The following MINPP1 variants were observed in gnomAD, a reference collection of about 807,000 sequenced individuals.
MINPP1 encodes multiple inositol polyphosphate phosphatase 1.
A neutral mutation model predicts 46.1 loss-of-function variants in MINPP1; 28 were observed. That is an observed-to-expected ratio of 0.61 (90% CI 0.45 to 0.83). The LOEUF is 0.83. MINPP1 is among the 40% of genes least tolerant of loss of function. The probability of loss-of-function intolerance (pLI) is 0.00; values close to 1 mark genes in which losing one functional copy is unlikely to be tolerated. For synonymous variants in MINPP1, 268 were observed against 249.1 expected, an observed-to-expected ratio of 1.08 and a Z score of -0.72; for missense variants, 603 against 610.0, an observed-to-expected ratio of 0.99 and a Z score of 0.12.
At chr10:87,548,953 A>G (rs1851926101) in intron 4 of MINPP1, among the ~76,000 whole-genome samples, 1 of 152,204 alleles carries the variant, frequency 6.6e-6, no homozygotes, top group Admixed American at 6.5e-5. Context: ...TCTAAAATAC[A>G]ATTTTAAAAC....
At chr10:87,526,490 T>C (rs1241081994) in intron 4 of MINPP1, among the ~76,000 whole-genome samples, 2 of 152,214 alleles carry the variant, frequency 1.3e-5, no homozygotes, top group Admixed American at 1.3e-4. Flanking sequence ...TCCCATTCTG[T>C]AGGTTGCCTG....
At chr10:87,513,249 CT>C (rs199792683) in intron 3 of MINPP1, 28 bp downstream of exon 3, 30 of 1,583,508 alleles carry the variant, frequency 1.9e-5, no homozygotes, top group East Asian at 2.2e-5. Flanking sequence ...AGTTTCTTTG[CT>C]TTTTTAAAAA....
chr10:87,526,201 C>T (rs1334404132), intron 4 of MINPP1, among the ~76,000 whole-genome samples: 1 of 152,152 alleles, frequency 6.6e-6, no homozygotes, highest in Non-Finnish European at 1.5e-5. Context: ...ACATCCTCTC[C>T]AGCACCTGTT....
Position 87,505,068 on chromosome 10 carries a change from T to C in MINPP1, c.153T>C (p.Thr51=), listed in dbSNP as rs1178647038. ...TCAGCCCCTATTTCGGCACCAAGAC[T>C]CGCTACGAGGATGTCAACCCCGTGC... ...SSLSPYFGTK[T]RYEDVNPVLL... The change falls in exon 1 of 5, where the codon ACT becomes ACC. Residue 51 remains threonine, a synonymous_variant. Coordinates refer to ENST00000371996, the MANE Select transcript of MINPP1 (RefSeq NM_004897.5). The surrounding 1 kb of genome is among the most constrained non-coding windows in gnomAD (Gnocchi z 4.4). 6.2e-7 allele frequency: 1 copy of C among 1,613,526 alleles called. No individual in the cohort carries two copies. Among genetic ancestry groups the C allele is most frequent in the Non-Finnish European group, 8.5e-7 (1 of 1,179,914 alleles).
At chr10:87,548,113 TA>T (rs1321409357) in intron 4 of MINPP1, among the ~76,000 whole-genome samples, 1 of 152,140 alleles carries the variant, frequency 6.6e-6, no homozygotes, top group Non-Finnish European at 1.5e-5. Flanking sequence ...ATTACTTTGC[TA>T]AGGCTACACA....
At position 87,505,648 on chromosome 10, in the gene MINPP1, C is replaced by G; in HGVS notation, c.637+96C>G. 8.8e-7 allele frequency: 1 copy of G among 1,141,220 alleles called. No homozygotes were observed. The highest frequency in any genetic ancestry group is 1.2e-6 in the Non-Finnish European group (1 of 805,902). 70.7% of individuals were successfully genotyped at this position (1,141,220 alleles called of 1,614,324 possible). ...AGACCCTGGGCTTTTCCGATGCCCC[C>G]CAGTTCTCTTTCCTCTTTTCCCAAG... On this transcript the variant is annotated intron_variant, in intron 1 of 4. Transcript: ENST00000371996. This position sits in a 1 kb window ranked among gnomAD's most constrained non-coding sequence, Gnocchi z 4.4.
At chr10:87,536,591 G>A (rs924111536) in intron 4 of MINPP1, among the ~76,000 whole-genome samples, 7 of 152,054 alleles carry the variant, frequency 4.6e-5, no homozygotes, top group Non-Finnish European at 2.9e-5. Context: ...AGGTAACACT[G>A]ATACACTTTC....
At chr10:87,532,818 GT>G (rs1851678219) in intron 4 of MINPP1, among the ~76,000 whole-genome samples, 1 of 152,156 alleles carries the variant, frequency 6.6e-6, no homozygotes, top group Non-Finnish European at 1.5e-5. Flanking sequence ...ACTTTTAAAA[GT>G]AATTTTAGGT....
At chr10:87,510,216 G>A (rs897168252) in intron 2 of MINPP1, among the ~76,000 whole-genome samples, 5 of 152,182 alleles carry the variant, frequency 3.3e-5, no homozygotes, top group East Asian at 3.8e-4. Flanking sequence ...AGTACCTGGC[G>A]CAGTAATTGC....
At chr10:87,507,324 G>T (rs983284974) in intron 1 of MINPP1, among the ~76,000 whole-genome samples, 4 of 152,304 alleles carry the variant, frequency 2.6e-5, no homozygotes, top group Admixed American at 6.5e-5. Flanking sequence ...TAATTAGATA[G>T]TAACAAGGAT....
intron 4 of MINPP1, among the ~76,000 whole-genome samples, chr10:87,526,012 A>G (rs968944656): frequency 3.3e-5 from 5 of 152,218 alleles, no homozygotes; most frequent in African/African-American, 1.2e-4. Flanking sequence ...GCCGCAATAA[A>G]CATACATGTG....
chr10:87,539,311 A>G lies in MINPP1; in HGVS notation c.1068-12771A>G, dbSNP rs148941695. Among the ~76,000 whole-genome samples, 197 of 152,322 alleles carry G rather than the reference A, an allele frequency of 1.3e-3. 1 individual carries two copies. Among genetic ancestry groups the G allele is most frequent in the Admixed American group, 2.2e-3 (34 of 15,292 alleles). Reference sequence around the variant, plus strand: ...GTTTTGTCACTTTTTGGAAAATGCAACATTCCAAGTTTAATGCATTTTTAT... The same window carrying G: ...GTTTTGTCACTTTTTGGAAAATGCAGCATTCCAAGTTTAATGCATTTTTAT... On this transcript the variant is annotated intron_variant, in intron 4 of 4. Transcript: ENST00000371996.
chr10:87,507,220 A>G (rs549851855), intron 1 of MINPP1, among the ~76,000 whole-genome samples: 3 of 152,360 alleles, frequency 2.0e-5, no homozygotes, highest in East Asian at 3.9e-4. Context: ...TTTGCCTATT[A>G]TGTACATCTG....
At chr10:87,543,560 G>A (rs188082259) in intron 4 of MINPP1, among the ~76,000 whole-genome samples, 5 of 152,208 alleles carry the variant, frequency 3.3e-5, no homozygotes, top group East Asian at 3.9e-4. Context: ...GGGCAGAGGC[G>A]GGAGGACTGT....
chr10:87,546,303 G>T (rs759827650), intron 4 of MINPP1, among the ~76,000 whole-genome samples: 15 of 152,132 alleles, frequency 9.9e-5, no homozygotes, highest in Non-Finnish European at 1.8e-4. Context: ...AAACTGTCAC[G>T]GCACAGATGG....
chr10:87,525,685 A>G (rs1851566194), intron 4 of MINPP1, among the ~76,000 whole-genome samples: 1 of 152,122 alleles, frequency 6.6e-6, no homozygotes, highest in Non-Finnish European at 1.5e-5. Flanking sequence ...TCCTAATGCT[A>G]TCCTTTCCCC....
At chr10:87,522,973 A>G (rs535963887) in intron 4 of MINPP1, among the ~76,000 whole-genome samples, 1 of 152,172 alleles carries the variant, frequency 6.6e-6, no homozygotes, top group Non-Finnish European at 1.5e-5. Flanking sequence ...CCAGGCGTAG[A>G]TTTCATCTCA....
At chr10:87,542,039 T>TC (rs921517642) in intron 4 of MINPP1, among the ~76,000 whole-genome samples, 1 of 152,094 alleles carries the variant, frequency 6.6e-6, no homozygotes, top group African/African-American at 2.4e-5. Context: ...TCACAATAGT[T>TC]CCCCAAGTCT....
At chr10:87,543,422 A>G (rs919511569) in intron 4 of MINPP1, among the ~76,000 whole-genome samples, 1 of 152,200 alleles carries the variant, frequency 6.6e-6, no homozygotes, top group African/African-American at 2.4e-5. Context: ...TGGGAGGTCA[A>G]GGAAGGAGGA....
Sources: allele counts gnomAD v4.1 joint callset (sites outside exome capture counted in the v4.1 genomes callset), GRCh38; gene constraint gnomAD v4.1.1; non-coding constraint Gnocchi (gnomAD v3.1); transcripts MANE v1.5; gene names NCBI Gene and HGNC (gene_info 2026-07-23, HGNC 2026-07-21).